Variants in ARL15 observed in about 807,000 individuals in gnomAD.
ARL15 encodes the protein ADP-ribosylation factor-like protein 15.
In ARL15, 19 loss-of-function variants were observed where a neutral mutation model predicts 25.2. The observed-to-expected ratio is 0.75, with a 90% CI of 0.53 to 1.10. The LOEUF (loss-of-function observed/expected upper bound fraction) is 1.10, where lower values mean the gene tolerates loss of function less well. Ranked by LOEUF, ARL15 falls within the 50% of genes least tolerant of loss-of-function variation. The pLI, the probability that ARL15 is intolerant of heterozygous loss-of-function variation, is 0.00. For synonymous variants in ARL15, 94 were observed against 86.8 expected (o/e 1.08, Z -0.46); for missense variants, 220 against 246.0 (o/e 0.89, Z 0.71).
At chr5:54,073,737 C>T (rs928734829) in intron 4 of ARL15, among the ~76,000 whole-genome samples, 11 of 152,108 alleles carry the variant, frequency 7.2e-5, no homozygotes, top group African/African-American at 2.7e-4. Flanking sequence ...ACTTCTAGTC[C>T]CCTTGATTAA....
At chr5:54,120,103 T>A (rs1040545168) in intron 3 of ARL15, among the ~76,000 whole-genome samples, 5 of 152,234 alleles carry the variant, frequency 3.3e-5, no homozygotes, top group African/African-American at 1.2e-4. Context: ...ATTAATCTTT[T>A]ATAGAATACT....
At chr5:54,246,797 T>TAC (rs61025147) in intron 1 of ARL15, among the ~76,000 whole-genome samples, 5,522 of 138,922 alleles carry the variant, frequency 0.04, 173 homozygotes, top group East Asian at 0.12. Context: ...AAAGCATGCA[T>TAC]ACACACACAC....
chr5:53,966,677 C>T (rs1190243834), intron 4 of ARL15, among the ~76,000 whole-genome samples: 1 of 152,214 alleles, frequency 6.6e-6, no homozygotes, highest in Non-Finnish European at 1.5e-5. Context: ...AACCCACACA[C>T]ATTTGGTCAA....
At chr5:54,058,004 AT>A (rs1289219585) in intron 4 of ARL15, among the ~76,000 whole-genome samples, 40 of 138,286 alleles carry the variant, frequency 2.9e-4, no homozygotes, top group East Asian at 1.6e-3. Flanking sequence ...TTATTTATTT[AT>A]TTATTTATTT....
intron 3 of ARL15, among the ~76,000 whole-genome samples, chr5:54,121,412 A>C (rs1753071655): frequency 6.6e-6 from 1 of 152,148 alleles, no homozygotes; most frequent in African/African-American, 2.4e-5. Context: ...CATCATGTTC[A>C]GGCTCAAGCA....
chr5:54,109,065 G>C (rs1463846599), intron 4 of ARL15, among the ~76,000 whole-genome samples: 1 of 151,866 alleles, frequency 6.6e-6, no homozygotes, highest in Non-Finnish European at 1.5e-5. Context: ...ATAACACAAA[G>C]TTCTATGCAT....
intron 4 of ARL15, among the ~76,000 whole-genome samples, chr5:54,071,510 T>TTCCCCCCCCCCCCCC: frequency 1.6e-5 from 1 of 64,056 alleles, no homozygotes; most frequent in Non-Finnish European, 2.9e-5. Flanking sequence ...CCACCGCCTT[T>TTCCCCCCCCCCCCCC]CCCCCCCCCC....
At chr5:54,188,749 T>C (rs967584761) in intron 1 of ARL15, among the ~76,000 whole-genome samples, 3 of 152,324 alleles carry the variant, frequency 2.0e-5, no homozygotes, top group Admixed American at 1.3e-4. Flanking sequence ...GACCTCATTG[T>C]CACATAATCT....
chr5:54,153,948 C>T (rs565899802), intron 3 of ARL15, among the ~76,000 whole-genome samples: 143 of 152,270 alleles, frequency 9.4e-4, no homozygotes, highest in Middle Eastern at 6.8e-3. Flanking sequence ...TTAGTATTTT[C>T]ATGCGCCATT....
At chr5:54,096,542 C>A (rs1752291965) in intron 4 of ARL15, among the ~76,000 whole-genome samples, 1 of 152,114 alleles carries the variant, frequency 6.6e-6, no homozygotes, top group Non-Finnish European at 1.5e-5. Context: ...TCCTGAGTAG[C>A]TGGAATTACA....
intron 1 of ARL15, among the ~76,000 whole-genome samples, chr5:54,232,158 C>A (rs1195901256): frequency 2.6e-5 from 4 of 152,172 alleles, no homozygotes; most frequent in Non-Finnish European, 5.9e-5. Context: ...TCCAAAAAGT[C>A]CTGCAATCTG....
At chr5:53,971,222 C>G (rs539544700) in intron 4 of ARL15, among the ~76,000 whole-genome samples, 1 of 152,134 alleles carries the variant, frequency 6.6e-6, no homozygotes, top group South Asian at 2.1e-4. Flanking sequence ...AGTATAAAAG[C>G]CCAGAACAAT....
intron 4 of ARL15, among the ~76,000 whole-genome samples, chr5:53,892,889 G>A (rs1021529172): frequency 1.3e-5 from 2 of 152,126 alleles, no homozygotes; most frequent in Non-Finnish European, 1.5e-5. Context: ...ACAGGCATGA[G>A]CTACTGTGCC....
chr5:54,031,199 T>C (rs1379515707), intron 4 of ARL15, among the ~76,000 whole-genome samples: 1 of 152,204 alleles, frequency 6.6e-6, no homozygotes, highest in Non-Finnish European at 1.5e-5. Context: ...TTTTTAATAC[T>C]AAGACAGACA....
At chr5:54,113,070 T>A in intron 4 of ARL15, 132 bp downstream of exon 4, 3 of 882,736 alleles carry the variant, frequency 3.4e-6, no homozygotes, top group Middle Eastern at 3.5e-4. Flanking sequence ...CTGCTTCCTA[T>A]GAAAACTAAG....
intron 4 of ARL15, among the ~76,000 whole-genome samples, chr5:54,064,922 G>A (rs1017779507): frequency 6.6e-6 from 1 of 152,148 alleles, no homozygotes; most frequent in Non-Finnish European, 1.5e-5. Flanking sequence ...GAATAAGCAT[G>A]TGTAGATTTG....
chr5:54,078,486 A>G (rs1751682921), intron 4 of ARL15, among the ~76,000 whole-genome samples: 1 of 152,200 alleles, frequency 6.6e-6, no homozygotes, highest in South Asian at 2.1e-4. Flanking sequence ...ATTTTATTTT[A>G]AATTTCTATT....
At chr5:54,009,284 C>T (rs965746451) in intron 4 of ARL15, among the ~76,000 whole-genome samples, 2 of 152,202 alleles carry the variant, frequency 1.3e-5, no homozygotes, top group African/African-American at 4.8e-5. Context: ...CTTCAAGTAA[C>T]TTAGCAAAGT....
chr5:53,963,848 CAT>C (rs1229333699), intron 4 of ARL15, among the ~76,000 whole-genome samples: 103 of 134,262 alleles, frequency 7.7e-4, no homozygotes, highest in Middle Eastern at 3.8e-3. Flanking sequence ...CACACACACA[CAT>C]ACACAGAGTA....
Sources: gnomAD v4.1 joint callset for allele counts (sites outside exome capture counted in the v4.1 genomes callset) on GRCh38, gnomAD v4.1.1 for gene constraint, MANE v1.5 for transcripts, NCBI Gene and HGNC (gene_info 2026-07-23, HGNC 2026-07-21) for gene names.